The following PLEKHF2 variants were observed in gnomAD, a reference collection of about 807,000 sequenced individuals.
The protein encoded by PLEKHF2 is pleckstrin homology domain-containing family F member 2.
PLEKHF2 carries 4 observed loss-of-function variants against 14.7 expected under a neutral mutation model. That is an observed-to-expected ratio of 0.27 (90% CI 0.13 to 0.62). The LOEUF (loss-of-function observed/expected upper bound fraction) is 0.62. Among genes scored for constraint, PLEKHF2 ranks in the 20% least tolerant of loss-of-function variants. The probability of loss-of-function intolerance (pLI) is 0.85; values close to 1 mark genes in which losing one functional copy is unlikely to be tolerated. For synonymous variants in PLEKHF2, 90 were observed against 103.5 expected (o/e 0.87, Z 0.79); for missense variants, 201 against 307.7 (o/e 0.65, Z 2.60).
intron 1 of PLEKHF2, among the ~76,000 whole-genome samples, chr8:95,146,576 C>T (rs555678868): frequency 1.3e-5 from 2 of 150,664 alleles, no homozygotes; most frequent in Non-Finnish European, 3.0e-5. Context: ...TGGTAGACAC[C>T]CCACTGAAGA....
intron 1 of PLEKHF2, among the ~76,000 whole-genome samples, chr8:95,134,813 T>C (rs1171093531): frequency 6.6e-6 from 1 of 152,126 alleles, no homozygotes; most frequent in Non-Finnish European, 1.5e-5. Flanking sequence ...AACGCGTTGT[T>C]GATAAATGCC....
chr8:95,141,730 C>T (rs1179974263), intron 1 of PLEKHF2, among the ~76,000 whole-genome samples: 3 of 146,274 alleles, frequency 2.1e-5, no homozygotes, highest in Non-Finnish European at 3.0e-5. Flanking sequence ...TTGGTAGAGA[C>T]GGGGTTTCAC....
intron 1 of PLEKHF2, among the ~76,000 whole-genome samples, chr8:95,146,203 T>C (rs17730047): frequency 0.022 from 3,356 of 149,728 alleles, 74 homozygotes; most frequent in Non-Finnish European, 0.034. Flanking sequence ...AAATTATTTA[T>C]GTTTTCTTCT....
At position 95,156,633 on chromosome 8, in the gene PLEKHF2, A is replaced by G. The variant is rs1331840442; in HGVS notation, c.*1839A>G. Reference sequence around the variant, plus strand: ...GGAAATGTTGTGAGATAACATTTACATTGTCAACCTTTATTGACTTTGTTT... The same window carrying G: ...GGAAATGTTGTGAGATAACATTTACGTTGTCAACCTTTATTGACTTTGTTT... On this transcript the variant is annotated 3_prime_UTR_variant, in exon 2 of 2. Coordinates refer to ENST00000315367, the MANE Select transcript of PLEKHF2 (RefSeq NM_024613.4). 6.0e-6 allele frequency: 1 copy of G among 167,072 alleles called. No homozygotes were observed. The allele number at this position is 167,072 out of a possible 1,614,324, so 10.3% of individuals were successfully genotyped here.
At chr8:95,152,491 ATTTC>A (rs1228130483) in intron 1 of PLEKHF2, among the ~76,000 whole-genome samples, 1 of 152,036 alleles carries the variant, frequency 6.6e-6, no homozygotes, top group Non-Finnish European at 1.5e-5. Flanking sequence ...GTTTAATATA[ATTTC>A]TTTAATTATG....
At chr8:95,138,834 G>A (rs1810407408) in intron 1 of PLEKHF2, among the ~76,000 whole-genome samples, 1 of 152,118 alleles carries the variant, frequency 6.6e-6, no homozygotes, top group South Asian at 2.1e-4. Flanking sequence ...TATTTAGGTT[G>A]TTTCCAGCTT....
intron 1 of PLEKHF2, among the ~76,000 whole-genome samples, chr8:95,141,628 C>T (rs1255757720): frequency 1.3e-5 from 2 of 151,932 alleles, no homozygotes. Flanking sequence ...TGGTTTCAAG[C>T]AACTCTCTTG....
In PLEKHF2 at chr8:95,154,239, C is replaced by T; in HGVS notation, c.195C>T (p.Gly65=). Residue 65 remains glycine (G), a synonymous_variant, in exon 2 of 2, where the codon GGC becomes GGT. Coordinates refer to ENST00000315367, the MANE Select transcript of PLEKHF2 (RefSeq NM_024613.4). The surrounding 1 kb of genome is among the most constrained non-coding windows in gnomAD (Gnocchi z 5.6). ...FFLFNDILVY[G]NIVIQKKKYN... ...TGTTTAATGATATTCTTGTATATGG[C>T]AATATTGTCATCCAGAAGAAAAAAT... 1.2e-6 allele frequency: 2 copies of T among 1,613,590 alleles called. No individual in the cohort carries two copies. The highest frequency in any genetic ancestry group is 2.2e-5 in the South Asian group (2 of 91,052).
chr8:95,141,859 C>T (rs1000908296), intron 1 of PLEKHF2, among the ~76,000 whole-genome samples: 8 of 151,912 alleles, frequency 5.3e-5, no homozygotes, highest in East Asian at 1.9e-4. Flanking sequence ...TTTTTATGTG[C>T]GTTTTTACTT....
intron 1 of PLEKHF2, 96 bp downstream of exon 1, chr8:95,134,126 C>A (rs1481184842): frequency 2.0e-5 from 3 of 148,502 alleles, no homozygotes; most frequent in Admixed American, 2.0e-4. Context: ...GTCCCGGAGC[C>A]GTCGCAGCGC....
At chr8:95,143,826 A>G (rs537543323) in intron 1 of PLEKHF2, among the ~76,000 whole-genome samples, 3 of 152,342 alleles carry the variant, frequency 2.0e-5, no homozygotes, top group East Asian at 1.9e-4. Context: ...CTGTTGGCCA[A>G]GGAATCTGGT....
intron 1 of PLEKHF2, 66 bp from the exon 2 acceptor site, chr8:95,153,965 A>G (rs1810587851): frequency 8.4e-7 from 1 of 1,189,672 alleles, no homozygotes; most frequent in Non-Finnish European, 1.1e-6. Flanking sequence ...AGCTTAATTT[A>G]TATATAATTA....
chr8:95,136,337 C>T (rs879348942), intron 1 of PLEKHF2, among the ~76,000 whole-genome samples: 2,080 of 105,180 alleles, frequency 0.02, 20 homozygotes, highest in South Asian at 0.058. Context: ...TATATATACA[C>T]ACACACACAC....
chr8:95,136,539 A>G (rs1810378564), intron 1 of PLEKHF2, among the ~76,000 whole-genome samples: 1 of 152,244 alleles, frequency 6.6e-6, no homozygotes, highest in African/African-American at 2.4e-5. Context: ...GATTATAATC[A>G]TAATTTTAAG....
chr8:95,154,094 T>C lies in PLEKHF2; in HGVS notation c.50T>C (p.Ile17Thr). ...NSEANTRRISIVENCFGAAGQ... is the reference protein window; with the variant it reads ...NSEANTRRISTVENCFGAAGQ... ...GAAGCAAATACTAGACGTATAAGTA[T>C]AGTGGAAAACTGTTTTGGAGCAGCT... Residue 17 changes from isoleucine to threonine, a missense_variant, in exon 2 of 2, where the codon ATA becomes ACA. Physicochemically the swap from Ile to Thr is moderately conservative, Grantham distance 89 (BLOSUM62 -1). Coordinates refer to ENST00000315367, the MANE Select transcript of PLEKHF2 (RefSeq NM_024613.4). The surrounding 1 kb of genome is among the most constrained non-coding windows in gnomAD (Gnocchi z 5.6). The C allele has an allele frequency of 1.9e-6, 3 of 1,613,650 alleles. No homozygotes were observed. The highest frequency in any genetic ancestry group is 2.5e-6 in the Non-Finnish European group (3 of 1,179,766).
chr8:95,134,404 AGTT>A, intron 1 of PLEKHF2: 1 of 151,772 alleles, frequency 6.6e-6, no homozygotes, highest in East Asian at 1.9e-4. Flanking sequence ...CCGGGCGAGA[AGTT>A]GTGGGGCCTG....
intron 1 of PLEKHF2, among the ~76,000 whole-genome samples, chr8:95,151,679 T>C (rs1022522084): frequency 1.1e-4 from 17 of 151,994 alleles, no homozygotes; most frequent in African/African-American, 4.1e-4. Context: ...TAATTTATTA[T>C]TTTTTAAAAT....
chr8:95,154,722 T>C lies in PLEKHF2; in HGVS notation c.678T>C (p.Ser226=). Residue 226 remains serine (S), a synonymous_variant, in exon 2 of 2, where the codon TCT becomes TCC. Transcript: ENST00000315367. This position sits in a 1 kb window ranked among gnomAD's most constrained non-coding sequence, Gnocchi z 5.6. ...CATGCCAGCCTGCTAGATCAGACTC[T>C]TACAGCCAGTCATTGAAGTCTCCTT... ...MATCQPARSD[S]YSQSLKSPLN... 1.2e-6 allele frequency: 2 copies of C among 1,614,138 alleles called. No individual in the cohort carries two copies. The highest frequency in any genetic ancestry group is 1.7e-6 in the Non-Finnish European group (2 of 1,179,988).
At chr8:95,137,653 G>A (rs1810390794) in intron 1 of PLEKHF2, among the ~76,000 whole-genome samples, 1 of 152,246 alleles carries the variant, frequency 6.6e-6, no homozygotes. Context: ...AGGCTAGAAA[G>A]GATGTATTAA....
Sources: gnomAD v4.1 joint callset for allele counts (sites outside exome capture counted in the v4.1 genomes callset) on GRCh38, gnomAD v4.1.1 for gene constraint, Gnocchi (gnomAD v3.1) non-coding constraint, MANE v1.5 for transcripts, NCBI Gene and HGNC (gene_info 2026-07-23, HGNC 2026-07-21) for gene names.